RGS11: variants seen among roughly 807,000 people sequenced by gnomAD.
RGS11 encodes regulator of G-protein signaling 11.
Under a neutral mutation model 71.1 loss-of-function variants are expected in RGS11, and 86 were observed. The observed-to-expected ratio is 1.21, with a 90% CI of 1.02 to 1.45. RGS11 has a LOEUF of 1.45. RGS11 is among the 40% of genes most tolerant of loss of function. The pLI, the probability that RGS11 is intolerant of heterozygous loss-of-function variation, is 0.00. For synonymous variants in RGS11, 298 were observed against 254.2 expected, an observed-to-expected ratio of 1.17 and a Z score of -1.64; for missense variants, 734 against 635.1, an observed-to-expected ratio of 1.16 and a Z score of -1.67.
intron 9 of RGS11, chr16:271,815 G>C (rs2051953903): frequency 1.7e-6 from 1 of 574,264 alleles, no homozygotes; most frequent in Admixed American, 3.1e-5. Flanking sequence ...TCTCAAAGTT[G>C]CAACTGTAAT....
chr16:269,412 G>A (rs200458825), intron 16 of RGS11, 29 bp from the exon 17 acceptor site: 2 of 1,589,548 alleles, frequency 1.3e-6, no homozygotes, highest in African/African-American at 2.7e-5. Flanking sequence ...CTGAGAACAG[G>A]CTGGCCAGCT....
chr16:275,662 C>A (rs1477896022), intron 1 of RGS11, 164 bp from the exon 2 acceptor site: 6 of 437,160 alleles, frequency 1.4e-5, no homozygotes, highest in East Asian at 4.5e-5. Flanking sequence ...CGGGGAGGGC[C>A]GGGGAGGGCC....
Position 272,971 on chromosome 16 carries a change from G to A in RGS11, c.589-40C>T, listed in dbSNP as rs186554951. ...CGAGATGAGGTGGGGATGCAGTTCC[G>A]GTGGCTGACCCCCTTTAAGGCTAAG... On this transcript the variant is annotated intron_variant, in intron 8 of 16. Coordinates refer to ENST00000397770, the MANE Select transcript of RGS11 (RefSeq NM_183337.3). 236 of 1,454,652 alleles carry A rather than the reference G, an allele frequency of 1.6e-4. 1 individual carries two copies. In the African/African-American group the frequency reaches 2.7e-3, roughly 17 times the overall value. 90.1% of individuals were successfully genotyped at this position (1,454,652 alleles called of 1,614,324 possible). A position where few individuals can be genotyped will look rare whatever the true frequency, so the allele number is the denominator to read the frequency against.
At chr16:273,259 G>A (rs2052016846) in intron 8 of RGS11, among the ~76,000 whole-genome samples, 1 of 152,202 alleles carries the variant, frequency 6.6e-6, no homozygotes, top group South Asian at 2.1e-4. Context: ...GGCCCAGAGA[G>A]AAGCTGGCTT....
rs1408192011 is a variant in RGS11 at position 274,062 on chromosome 16, G to T, written c.410C>A (p.Thr137Asn). Reference protein sequence around the residue: ...LAKKNIRKRGTLVDYEKDCYD... With the variant: ...LAKKNIRKRGNLVDYEKDCYD... ...TCCCACCTTCTCATAATCCACCAGGGTCCCCCGTTTTCGGATGTTCTTCTT... is the reference window on the plus strand; with the variant it reads ...TCCCACCTTCTCATAATCCACCAGGTTCCCCCGTTTTCGGATGTTCTTCTT... The change falls in exon 6 of 17, where the codon ACC (threonine) becomes AAC (asparagine). Residue 137 changes from threonine to asparagine, a missense_variant. Coordinates refer to ENST00000397770, the MANE Select transcript of RGS11 (RefSeq NM_183337.3). 1.3e-6 allele frequency: 2 copies of T among 1,550,914 alleles called. No individual in the cohort carries two copies. Among genetic ancestry groups the T allele is most frequent in the East Asian group, 2.4e-5 (1 of 40,912 alleles).
Position 268,551 on chromosome 16 carries a change from T to C in RGS11, c.*718A>G. The C allele has an allele frequency of 1.7e-6, 1 of 587,098 alleles. No homozygotes were observed. Among genetic ancestry groups the C allele is most frequent in the Non-Finnish European group, 3.0e-6 (1 of 329,228 alleles). 36.4% of individuals were successfully genotyped at this position (587,098 alleles called of 1,614,324 possible). On this transcript the variant is annotated 3_prime_UTR_variant, in exon 17 of 17. Transcript: ENST00000397770. Reference sequence around the variant, plus strand: ...TTGGGCAGGGAGGATCAGGGACGCCTGGCAAGGATCCACCCTATGGAATCG... The same window carrying C: ...TTGGGCAGGGAGGATCAGGGACGCCCGGCAAGGATCCACCCTATGGAATCG...
chr16:273,424 C>T lies in RGS11; in HGVS notation c.588+51G>A, dbSNP rs975112202. ...TGAGAGCGCCTGTCAGGGAAGCACG[C>T]TGACCCCTGCGCTGGCCAGCGACCC... On this transcript the variant is annotated intron_variant, in intron 8 of 16. Coordinates refer to ENST00000397770, the MANE Select transcript of RGS11 (RefSeq NM_183337.3). 9.2e-6 allele frequency: 13 copies of T among 1,410,084 alleles called. No individual in the cohort carries two copies. In the African/African-American group the frequency reaches 1.7e-4, roughly 19 times the overall value. 87.3% of individuals were successfully genotyped at this position (1,410,084 alleles called of 1,614,324 possible). A position where few individuals can be genotyped will look rare whatever the true frequency, so the allele number is the denominator to read the frequency against.
In RGS11 at chr16:275,317, C is replaced by G; in HGVS notation, c.177G>C (p.Gln59His). The change falls in exon 3 of 17, where the codon CAG becomes CAC. Residue 59 changes from glutamine (Q) to histidine (H), a missense_variant. Transcript: ENST00000397770. ...AGACGCAGAACTTCTGGGCCAACCA[C>G]TGCACGACGTCGCTGCCTGCACGGG... is the stretch of plus-strand genomic sequence containing the variant. ...PHAVTGSDVV[Q>H]WLAQKFCVSE... 3 of 1,612,560 alleles carry G rather than the reference C, an allele frequency of 1.9e-6. No individual in the cohort carries two copies. Among genetic ancestry groups the G allele is most frequent in the Non-Finnish European group, 2.5e-6 (3 of 1,179,870 alleles).
At chr16:271,134 G>A (rs767748645) in intron 12 of RGS11, 35 bp from the exon 13 acceptor site, 2 of 1,597,490 alleles carry the variant, frequency 1.3e-6, no homozygotes, top group Non-Finnish European at 1.7e-6. Context: ...GGAGGGTGGG[G>A]ACTGACCCTC....
At chr16:275,629 G>A in intron 1 of RGS11, 131 bp from the exon 2 acceptor site, 2 of 838,818 alleles carry the variant, frequency 2.4e-6, no homozygotes, top group South Asian at 1.9e-5. Flanking sequence ...GGCCGCAGCT[G>A]GCGGCGGGGA....
At chr16:272,788 G>A in intron 9 of RGS11, 75 bp downstream of exon 9, 1 of 1,533,924 alleles carries the variant, frequency 6.5e-7, no homozygotes, top group Non-Finnish European at 8.7e-7. Flanking sequence ...CAGATGGGCA[G>A]TCCCATGGTG....
Position 269,152 on chromosome 16 carries a change from G to A in RGS11, c.*117C>T. ...AGAAGACTGGGCCCCCTGGGCACAA[G>A]GGGACACTGGTGCTGGGTTCAGCAG... On this transcript the variant is annotated 3_prime_UTR_variant, in exon 17 of 17. Transcript: ENST00000397770. 4 of 940,876 alleles carry A rather than the reference G, an allele frequency of 4.3e-6. No homozygotes were observed. The highest frequency in any genetic ancestry group is 3.4e-6 in the Non-Finnish European group (2 of 594,134). The allele number at this position is 940,876 out of a possible 1,614,324, so 58.3% of individuals were successfully genotyped here.
intron 1 of RGS11, 39 bp downstream of exon 1, chr16:275,810 G>C: frequency 9.7e-6 from 9 of 931,856 alleles, no homozygotes; most frequent in Non-Finnish European, 1.2e-5. Context: ...TCGGGCGCCG[G>C]GAAATCGGGG....
rs868781716 is a variant in RGS11 at position 268,894 on chromosome 16, G to A, written c.*375C>T. ...CCGCCCGCCTGTGCATCTTGCTTCC[G>A]GGTATTCGCTGGCTGATTTACTGGT... On this transcript the variant is annotated 3_prime_UTR_variant, in exon 17 of 17. Transcript: ENST00000397770. 28 of 1,550,392 alleles carry A rather than the reference G, an allele frequency of 1.8e-5. No individual in the cohort carries two copies. Among genetic ancestry groups the A allele is most frequent in the South Asian group, 3.6e-5 (3 of 84,064 alleles).
At chr16:273,735 G>GGGGCGGGGCA (rs754150929) in intron 7 of RGS11, 25 bp downstream of exon 7, 3 of 1,600,054 alleles carry the variant, frequency 1.9e-6, no homozygotes, top group Non-Finnish European at 2.6e-6. Context: ...GCCTGCAGGC[G>GGGGCGGGGCA]GGGCGGGGCA....
rs1328080172 is a variant in RGS11, at chr16:272,390, T to C, written c.657+473A>G. On this transcript the variant is annotated intron_variant, in intron 9 of 16. Transcript: ENST00000397770. ...ATCAGTGAGGTTCTAGGTGCATCTTTCCAGATGTTGGGTCTGGATGGGACT... is the reference window on the plus strand; with the variant it reads ...ATCAGTGAGGTTCTAGGTGCATCTTCCCAGATGTTGGGTCTGGATGGGACT... The C allele has an allele frequency of 4.6e-6, 6 of 1,292,590 alleles. No homozygotes were observed. In the South Asian group the frequency reaches 7.4e-5, roughly 16 times the overall value. The allele number at this position is 1,292,590 out of a possible 1,614,324, so 80.1% of individuals were successfully genotyped here. A position where few individuals can be genotyped will look rare whatever the true frequency, so the allele number is the denominator to read the frequency against.
chr16:274,610 C>T (rs891604822), intron 4 of RGS11: 1 of 608,966 alleles, frequency 1.6e-6, no homozygotes, highest in Admixed American at 2.3e-5. Context: ...CGGCCCGGGA[C>T]CCTGATGTGG....
chr16:274,831 C>G (rs1193195534), intron 4 of RGS11, 145 bp downstream of exon 4: 1 of 1,126,090 alleles, frequency 8.9e-7, no homozygotes, highest in Admixed American at 2.0e-5. Flanking sequence ...GGGGAGGGGG[C>G]GATGGACCAC....
chr16:268,650 A>T lies in RGS11; in HGVS notation c.*619T>A. ...GGAGGCCGCGGCCTCGAGGTGGGAA[A>T]GCAGGTGCCGGCGCACCTGTGGACA... On this transcript the variant is annotated 3_prime_UTR_variant, in exon 17 of 17. Transcript: ENST00000397770. The T allele has an allele frequency of 1.1e-6, 1 of 932,914 alleles. No individual in the cohort carries two copies. Among genetic ancestry groups the T allele is most frequent in the East Asian group, 2.6e-5 (1 of 37,756 alleles). The allele number at this position is 932,914 out of a possible 1,614,324, so 57.8% of individuals were successfully genotyped here.
Sources: gnomAD v4.1 joint callset for allele counts (sites outside exome capture counted in the v4.1 genomes callset) on GRCh38, gnomAD v4.1.1 for gene constraint, MANE v1.5 for transcripts, NCBI Gene and HGNC (gene_info 2026-07-23, HGNC 2026-07-21) for gene names.